The following FAM184A variants were observed in gnomAD, a reference collection of about 807,000 sequenced individuals.
FAM184A encodes family with sequence similarity 184 member A.
In FAM184A, 99 loss-of-function variants were observed where a neutral mutation model predicts 143.8. The ratio of observed to expected loss-of-function variants is 0.69; its 90% CI spans 0.58 to 0.81. The LOEUF (loss-of-function observed/expected upper bound fraction) is 0.81. Ranked by LOEUF, FAM184A falls within the 40% of genes least tolerant of loss-of-function variation. The pLI is 0.00. For missense variants in FAM184A, 1,217 were observed against 1,310.5 expected (o/e 0.93, Z 1.10); for synonymous variants, 427 against 446.4 (o/e 0.96, Z 0.55).
At chr6:119,139,416 T>C (rs1254780447) in intron 1 of FAM184A, among the ~76,000 whole-genome samples, 5 of 152,224 alleles carry the variant, frequency 3.3e-5, no homozygotes, top group South Asian at 2.1e-4. Context: ...AGCCAGTATC[T>C]GGAAATCTTT....
chr6:119,146,397 C>CAT (rs369613906), intron 1 of FAM184A, among the ~76,000 whole-genome samples: 5 of 136,392 alleles, frequency 3.7e-5, no homozygotes, highest in Middle Eastern at 3.6e-3. Context: ...GATTAACTTA[C>CAT]GTGTGTGTGT....
intron 3 of FAM184A, among the ~76,000 whole-genome samples, chr6:119,022,311 G>A (rs1009665785): frequency 6.6e-6 from 1 of 151,178 alleles, no homozygotes; most frequent in African/African-American, 2.4e-5. Flanking sequence ...TGCCCACTTT[G>A]GCCTCCCAAA....
At chr6:119,087,396 A>C (rs373464127) in intron 1 of FAM184A, among the ~76,000 whole-genome samples, 2 of 152,234 alleles carry the variant, frequency 1.3e-5, no homozygotes, top group African/African-American at 4.8e-5. Context: ...TCAACACAAA[A>C]AGCAAATAAC....
At chr6:119,130,897 C>T (rs985104829) in intron 1 of FAM184A, among the ~76,000 whole-genome samples, 1 of 146,168 alleles carries the variant, frequency 6.8e-6, no homozygotes, top group African/African-American at 2.6e-5. Flanking sequence ...TCGCTCTGCA[C>T]CTAGGCTAGA....
intron 1 of FAM184A, among the ~76,000 whole-genome samples, chr6:119,068,084 G>A (rs1241860435): frequency 1.5e-5 from 2 of 131,370 alleles, no homozygotes; most frequent in African/African-American, 5.9e-5. Context: ...GTTTCACTGT[G>A]CACCCAGGCT....
intron 9 of FAM184A, among the ~76,000 whole-genome samples, chr6:119,001,415 A>G (rs1481836405): frequency 6.6e-6 from 1 of 152,080 alleles, no homozygotes; most frequent in East Asian, 1.9e-4. Flanking sequence ...TTTATGGTTA[A>G]TCTGCTTTGA....
intron 1 of FAM184A, among the ~76,000 whole-genome samples, chr6:119,095,278 A>G (rs909680224): frequency 6.6e-6 from 1 of 152,250 alleles, no homozygotes; most frequent in South Asian, 2.1e-4. Context: ...CACTGAGAGA[A>G]GAAACAATCC....
chr6:118,990,061 C>T (rs1007837152), intron 9 of FAM184A, among the ~76,000 whole-genome samples: 14 of 152,114 alleles, frequency 9.2e-5, no homozygotes, highest in Admixed American at 4.6e-4. Context: ...CTTCTGACCT[C>T]GTGATCCGCT....
intron 1 of FAM184A, among the ~76,000 whole-genome samples, chr6:119,085,979 A>T (rs1562144612): frequency 6.6e-6 from 1 of 152,198 alleles, no homozygotes; most frequent in Non-Finnish European, 1.5e-5. Context: ...TAACCCATTC[A>T]TGAGAACTTT....
At chr6:119,089,156 C>A (rs1375099272) in intron 1 of FAM184A, among the ~76,000 whole-genome samples, 3 of 142,926 alleles carry the variant, frequency 2.1e-5, no homozygotes, top group Non-Finnish European at 3.0e-5. Flanking sequence ...ATAGCTAACA[C>A]CTATTTTTTT....
rs370208454 is a variant in FAM184A at position 118,988,497 on chromosome 6, C to G, written c.2089-8147G>C. On this transcript the variant is annotated intron_variant, in intron 9 of 17. Coordinates refer to ENST00000338891, the MANE Select transcript of FAM184A (RefSeq NM_024581.6). ...CAAGATAACTATTCAAAGCATTATG[C>G]CCACTTTGCTGTAGGTTCACGGAGA... is the stretch of plus-strand genomic sequence containing the variant. Among the ~76,000 whole-genome samples, 9 of 152,268 alleles carry G rather than the reference C, an allele frequency of 5.9e-5. No individual in the cohort carries two copies. The East Asian group carries it at 1.4e-3, about 23-fold the overall frequency.
At chr6:119,141,853 T>C (rs706983) in intron 1 of FAM184A, among the ~76,000 whole-genome samples, 53,246 of 152,066 alleles carry the variant, frequency 0.35, 9,633 homozygotes, top group East Asian at 0.53. Flanking sequence ...GTGATAAATA[T>C]TCAGTAGCAC....
rs533016746 is a variant in FAM184A at position 119,092,558 on chromosome 6, T to C, written c.-202+56520A>G. On this transcript the variant is annotated intron_variant, in intron 1 of 16. Coordinates refer to the FAM184A transcript ENST00000352896. ...TAATTACCATATTATCCATCACCTTTATCAATGGGGCCATGATAGCATTTG... is the reference window on the plus strand; with the variant it reads ...TAATTACCATATTATCCATCACCTTCATCAATGGGGCCATGATAGCATTTG... 9.2e-5 allele frequency among the ~76,000 whole-genome samples: 14 copies of C among 152,306 alleles called. No homozygotes were observed. In the South Asian group the frequency reaches 2.9e-3, roughly 32 times the overall value.
rs558043766 is a variant in FAM184A at position 119,074,131 on chromosome 6, C to T, written c.159+4010G>A. ...AAGAATAAGCTTTAAACATCTGCAACGGCTACAAAAGCACTGAAACTAGAT... is the reference window on the plus strand; with the variant it reads ...AAGAATAAGCTTTAAACATCTGCAATGGCTACAAAAGCACTGAAACTAGAT... On this transcript the variant is annotated intron_variant, in intron 1 of 17. Transcript: ENST00000338891. Among the ~76,000 whole-genome samples the T allele has an allele frequency of 4.8e-4, 73 of 152,274 alleles. No homozygotes were observed. The Middle Eastern group carries it at 0.014, about 28-fold the overall frequency.
chr6:119,078,765 A>G (rs951726278), upstream of FAM184A: 2 of 152,562 alleles, frequency 1.3e-5, no homozygotes, highest in South Asian at 1.8e-4. This position sits in a 1 kb window ranked among gnomAD's most constrained non-coding sequence, Gnocchi z 5.5. Context: ...GGGGACGGCG[A>G]CGTCATTTCC....
At chr6:119,019,331 G>A (rs1418205189) in intron 4 of FAM184A, among the ~76,000 whole-genome samples, 1 of 152,206 alleles carries the variant, frequency 6.6e-6, no homozygotes, top group Admixed American at 6.5e-5. Flanking sequence ...ACTGAGGGCT[G>A]AGGCAAAAGC....
rs180877359 is a variant in FAM184A, at chr6:119,075,832, T to G, written c.159+2309A>C. Among the ~76,000 whole-genome samples, 4 of 152,300 alleles carry G rather than the reference T, an allele frequency of 2.6e-5. No homozygotes were observed. In the East Asian group the frequency reaches 7.7e-4, roughly 29 times the overall value. On this transcript the variant is annotated intron_variant, in intron 1 of 17. Transcript: ENST00000338891. ...CATGCTTATGGTATAGTATTTACAA[T>G]AAGTGTATATGACTATAAAATTTGA...
At chr6:119,045,836 T>C (rs1226326227) in intron 1 of FAM184A, among the ~76,000 whole-genome samples, 1 of 152,200 alleles carries the variant, frequency 6.6e-6, no homozygotes, top group Admixed American at 6.5e-5. Flanking sequence ...ATTAGGGAAG[T>C]TAATAAATAT....
chr6:119,014,824 T>C (rs1296467963), intron 5 of FAM184A, among the ~76,000 whole-genome samples: 1 of 152,058 alleles, frequency 6.6e-6, no homozygotes, highest in African/African-American at 2.4e-5. Context: ...TTTGGGAGGC[T>C]GAGGTGGGAG....
Sources: gnomAD v4.1 joint callset for allele counts (sites outside exome capture counted in the v4.1 genomes callset) on GRCh38, gnomAD v4.1.1 for gene constraint, Gnocchi (gnomAD v3.1) non-coding constraint, MANE v1.5 for transcripts, NCBI Gene and HGNC (gene_info 2026-07-23, HGNC 2026-07-21) for gene names.